Variants in COL24A1 observed in about 807,000 individuals in gnomAD.
The protein encoded by COL24A1 is collagen type XXIV alpha 1 chain.
A neutral mutation model predicts 253.9 loss-of-function variants in COL24A1; 224 were observed. The ratio of observed to expected loss-of-function variants is 0.88; its 90% CI spans 0.79 to 0.99. The LOEUF (loss-of-function observed/expected upper bound fraction) is 0.99. Among genes scored for constraint, COL24A1 ranks in the 50% least tolerant of loss-of-function variants. COL24A1 has a pLI of 0.00. For missense variants in COL24A1, 2,131 were observed against 2,068.5 expected, an observed-to-expected ratio of 1.03 and a Z score of -0.59; for synonymous variants, 685 against 673.7, an observed-to-expected ratio of 1.02 and a Z score of -0.26.
chr1:86,075,010 A>C (rs746692384), intron 7 of COL24A1, among the ~76,000 whole-genome samples: 1 of 152,158 alleles, frequency 6.6e-6, no homozygotes, highest in Non-Finnish European at 1.5e-5. Context: ...CAAAGTCAAA[A>C]GCTAGCAGAA....
Position 85,959,106 on chromosome 1 carries a change from C to A in COL24A1, c.2562+2143G>T, listed in dbSNP as rs564975614. Among the ~76,000 whole-genome samples the A allele has an allele frequency of 2.6e-5, 4 of 152,180 alleles. No homozygotes were observed. In the South Asian group the frequency reaches 8.3e-4, roughly 32 times the overall value. ...ACAAGATAGATGTCATGAAGTGCAA[C>A]CATATCTTCTCCTATCTCTCAAGAA... On this transcript the variant is annotated intron_variant, in intron 24 of 59. Coordinates refer to ENST00000370571, the MANE Select transcript of COL24A1 (RefSeq NM_152890.7).
At chr1:86,006,506 A>G (rs1211798816) in intron 19 of COL24A1, among the ~76,000 whole-genome samples, 1 of 152,226 alleles carries the variant, frequency 6.6e-6, no homozygotes, top group Non-Finnish European at 1.5e-5. Context: ...TGTCACAAAA[A>G]TTAACTCAAA....
intron 19 of COL24A1, among the ~76,000 whole-genome samples, chr1:86,011,260 A>G (rs1696458747): frequency 6.6e-6 from 1 of 152,082 alleles, no homozygotes; most frequent in African/African-American, 2.4e-5. Context: ...TGATTACACT[A>G]CTCTAAAGTG....
At chr1:86,138,372 C>A (rs1650565066) in intron 2 of COL24A1, among the ~76,000 whole-genome samples, 1 of 152,110 alleles carries the variant, frequency 6.6e-6, no homozygotes, top group Non-Finnish European at 1.5e-5. Context: ...TTTGGGACAG[C>A]TCTCTAACTT....
chr1:86,126,843 A>T (rs1507264), intron 2 of COL24A1, among the ~76,000 whole-genome samples: 2 of 152,056 alleles, frequency 1.3e-5, no homozygotes, highest in Non-Finnish European at 2.9e-5. Flanking sequence ...ATGTTCAAAG[A>T]TTCCCAGATC....
intron 47 of COL24A1, among the ~76,000 whole-genome samples, chr1:85,788,686 A>G (rs988516871): frequency 6.6e-6 from 1 of 152,116 alleles, no homozygotes; most frequent in Non-Finnish European, 1.5e-5. Flanking sequence ...TAGGGTTTTT[A>G]TAGTTTTGTG....
intron 24 of COL24A1, among the ~76,000 whole-genome samples, chr1:85,937,057 C>A (rs1688302057): frequency 6.8e-6 from 1 of 147,318 alleles, no homozygotes; most frequent in African/African-American, 2.5e-5. Context: ...GTCCATATTC[C>A]CAGCCAGTAC....
intron 43 of COL24A1, among the ~76,000 whole-genome samples, chr1:85,828,774 T>A (rs923142883): frequency 7.5e-5 from 10 of 133,958 alleles, no homozygotes; most frequent in Non-Finnish European, 1.6e-4. Flanking sequence ...TCCATTTGCT[T>A]GGTAGATCTT....
chr1:85,989,118 T>C (rs1007339625), intron 19 of COL24A1, among the ~76,000 whole-genome samples: 11 of 152,202 alleles, frequency 7.2e-5, no homozygotes, highest in African/African-American at 2.6e-4. Context: ...TAGTATGTTT[T>C]TTTGTGGGGG....
intron 22 of COL24A1, among the ~76,000 whole-genome samples, chr1:85,966,920 CA>C (rs1346039528): frequency 3.9e-5 from 6 of 151,992 alleles, no homozygotes; most frequent in Non-Finnish European, 5.9e-5. Context: ...AAACTGACAC[CA>C]AAAAAGTTTT....
intron 24 of COL24A1, among the ~76,000 whole-genome samples, chr1:85,927,070 A>T (rs1558689488): frequency 6.6e-6 from 1 of 151,414 alleles, no homozygotes; most frequent in Non-Finnish European, 1.5e-5. Context: ...GTGTAGGGGG[A>T]GGAGGAGCCA....
intron 20 of COL24A1, among the ~76,000 whole-genome samples, 194 bp downstream of exon 20, chr1:85,987,407 T>C (rs1693811468): frequency 6.6e-6 from 1 of 151,904 alleles, no homozygotes. Context: ...ATTGTCACCC[T>C]TAATCTCAGT....
intron 31 of COL24A1, among the ~76,000 whole-genome samples, chr1:85,895,504 A>G (rs1408757044): frequency 6.6e-6 from 1 of 152,212 alleles, no homozygotes; most frequent in Non-Finnish European, 1.5e-5. Flanking sequence ...TATCATAACT[A>G]GAGTGAAGTA....
intron 24 of COL24A1, among the ~76,000 whole-genome samples, chr1:85,952,684 G>A (rs886657375): frequency 1.3e-5 from 2 of 152,152 alleles, no homozygotes; most frequent in African/African-American, 2.4e-5. Flanking sequence ...TAAAGTTACT[G>A]GGAACAGAGC....
At chr1:85,851,001 G>GTGTGTA (rs1553198847) in intron 37 of COL24A1, among the ~76,000 whole-genome samples, 47 of 139,184 alleles carry the variant, frequency 3.4e-4, no homozygotes, top group South Asian at 2.6e-3. Context: ...GTGTGTGTGT[G>GTGTGTA]TATATATATA....
In COL24A1 at chr1:85,983,918, A is replaced by G. The variant is rs999370218; in HGVS notation, c.2364+3683T>C. ...TCTTTTAAAATTCAGTGATGTGTAT[A>G]ACATCAATTAGTCTCATGATGTTGG... On this transcript the variant is annotated intron_variant, in intron 20 of 59. Coordinates refer to ENST00000370571, the MANE Select transcript of COL24A1 (RefSeq NM_152890.7). Among the ~76,000 whole-genome samples, 3 of 151,890 alleles carry G rather than the reference A, an allele frequency of 2.0e-5. No individual in the cohort carries two copies. The East Asian group carries it at 5.8e-4, about 29-fold the overall frequency.
At chr1:85,987,516 T>G in intron 20 of COL24A1, 85 bp downstream of exon 20, 4 of 1,162,434 alleles carry the variant, frequency 3.4e-6, no homozygotes, top group Non-Finnish European at 2.5e-6. Flanking sequence ...GTTCTGATAT[T>G]CCTAAAATAT....
chr1:86,059,994 C>G (rs531479160), intron 8 of COL24A1, among the ~76,000 whole-genome samples: 1 of 152,166 alleles, frequency 6.6e-6, no homozygotes, highest in South Asian at 2.1e-4. Context: ...TTATAAGCCA[C>G]CCAGTCTATG....
chr1:86,150,561 G>T (rs1652609679), intron 1 of COL24A1, among the ~76,000 whole-genome samples: 1 of 152,084 alleles, frequency 6.6e-6, no homozygotes, highest in Non-Finnish European at 1.5e-5. Flanking sequence ...ATATATGGTA[G>T]CCTTCTTCTT....
Sources: gnomAD v4.1 joint callset for allele counts (sites outside exome capture counted in the v4.1 genomes callset) on GRCh38, gnomAD v4.1.1 for gene constraint, MANE v1.5 for transcripts, NCBI Gene and HGNC (gene_info 2026-07-23, HGNC 2026-07-21) for gene names.